The following TBC1D13 variants were observed in gnomAD, a reference collection of about 807,000 sequenced individuals.
The protein encoded by TBC1D13 is epididymis secretory sperm binding protein.
In TBC1D13, 40 loss-of-function variants were observed where a neutral mutation model predicts 53.6. That is an observed-to-expected ratio of 0.75 (90% CI 0.58 to 0.97). The LOEUF (loss-of-function observed/expected upper bound fraction) is 0.97, where lower values mean the gene tolerates loss of function less well. TBC1D13 is among the 50% of genes least tolerant of loss of function. The probability of loss-of-function intolerance (pLI) is 0.00; values close to 1 mark genes in which losing one functional copy is unlikely to be tolerated. For synonymous variants in TBC1D13, 182 were observed against 197.7 expected (o/e 0.92, Z 0.67); for missense variants, 377 against 499.4 (o/e 0.75, Z 2.34).
At position 128,787,300 on chromosome 9, in the gene TBC1D13, A is replaced by G; in HGVS notation, c.-54A>G. The G allele has an allele frequency of 1.6e-6, 2 of 1,254,442 alleles. No homozygotes were observed. The highest frequency in any genetic ancestry group is 2.0e-6 in the Non-Finnish European group (2 of 993,450). 77.7% of individuals were successfully genotyped at this position (1,254,442 alleles called of 1,614,324 possible). On this transcript the variant is annotated 5_prime_UTR_variant, in exon 1 of 12. Transcript: ENST00000372648. ...GGGGCGGCGGCGGCGGCGGCAGCGC[A>G]GGCGGCAGAGGCGCAGGCGGCGGAG...
intron 4 of TBC1D13, 47 bp downstream of exon 4, chr9:128,791,488 C>T (rs770919117): frequency 2.0e-5 from 33 of 1,610,424 alleles, no homozygotes; most frequent in Middle Eastern, 3.3e-4. Flanking sequence ...TTGCATGTGA[C>T]AGAGCCAGTA....
chr9:128,800,069 T>C (rs576523649), intron 7 of TBC1D13, among the ~76,000 whole-genome samples: 1 of 152,328 alleles, frequency 6.6e-6, no homozygotes, highest in Admixed American at 6.5e-5. Context: ...GATGTGTGTC[T>C]GTGTGTGTGA....
rs952657671 is a variant in TBC1D13, at chr9:128,802,198, G to A, written c.544-1052G>A. 1.5e-4 allele frequency among the ~76,000 whole-genome samples: 22 copies of A among 149,152 alleles called. 1 individual carries two copies. The highest frequency in any genetic ancestry group is 5.1e-4 in the African/African-American group (21 of 41,152). The stretch of plus-strand genomic sequence containing the variant: ...AGCCTCCTGAGTAGCTGGGATTACA[G>A]GTATACGCCACCACGCCTGGCTAAT... On this transcript the variant is annotated intron_variant, in intron 7 of 11. Coordinates refer to ENST00000372648, the MANE Select transcript of TBC1D13 (RefSeq NM_018201.5).
rs1174304254 is a variant in TBC1D13 at position 128,792,516 on chromosome 9, C to T, written c.325C>T (p.Arg109Trp). 1.9e-6 allele frequency: 3 copies of T among 1,614,112 alleles called. No homozygotes were observed. Among genetic ancestry groups the T allele is most frequent in the Non-Finnish European group, 1.7e-6 (2 of 1,179,976 alleles). ...DHPLNPNPDS[R>W]WNTYFKDNEV... is the part of the protein sequence containing the mutation. ...GCCACTCAACCCCAACCCTGACAGCCGGTGGAACACGTACTTCAAGGACAA... is the reference window on the plus strand; with the variant it reads ...GCCACTCAACCCCAACCCTGACAGCTGGTGGAACACGTACTTCAAGGACAA... The change falls in exon 6 of 12, where the codon CGG becomes TGG. Residue 109 changes from arginine to tryptophan, a missense_variant. Physicochemically the swap from Arg to Trp is moderately radical, Grantham distance 101. Coordinates refer to ENST00000372648, the MANE Select transcript of TBC1D13 (RefSeq NM_018201.5).
intron 2 of TBC1D13, among the ~76,000 whole-genome samples, chr9:128,789,364 T>C (rs1829488162): frequency 6.8e-6 from 1 of 148,068 alleles, no homozygotes; most frequent in Non-Finnish European, 1.5e-5. Flanking sequence ...CCTGTCATCC[T>C]CATATAGATT....
At chr9:128,788,538 C>G (rs1829471985) in intron 2 of TBC1D13, 131 bp downstream of exon 2, 1 of 752,734 alleles carries the variant, frequency 1.3e-6, no homozygotes, top group Non-Finnish European at 2.2e-6. Context: ...AAATTACACA[C>G]AGACTCTTGG....
intron 5 of TBC1D13, among the ~76,000 whole-genome samples, chr9:128,792,058 A>C (rs1359557778): frequency 1.3e-5 from 2 of 152,230 alleles, no homozygotes; most frequent in Non-Finnish European, 2.9e-5. Flanking sequence ...TGGGCTTCAC[A>C]GCACGTGAGA....
At chr9:128,807,705 C>A in intron 11 of TBC1D13, 109 bp from the exon 12 acceptor site, 2 of 1,133,932 alleles carry the variant, frequency 1.8e-6, no homozygotes, top group Non-Finnish European at 2.7e-6. Flanking sequence ...TGTGCTCCTG[C>A]CCCTGAGGCC....
chr9:128,796,530 C>T (rs1014332607), intron 6 of TBC1D13, among the ~76,000 whole-genome samples: 4 of 152,082 alleles, frequency 2.6e-5, no homozygotes, highest in South Asian at 2.1e-4. Context: ...GGATTATAGG[C>T]GTGAGCCACC....
chr9:128,789,439 G>C (rs141642250), intron 2 of TBC1D13, among the ~76,000 whole-genome samples: 109 of 152,006 alleles, frequency 7.2e-4, no homozygotes, highest in Non-Finnish European at 1.3e-3. Flanking sequence ...CTGCGGTAGT[G>C]AGCTTCCTGA....
chr9:128,802,661 A>G (rs1392152971), intron 7 of TBC1D13, among the ~76,000 whole-genome samples: 1 of 151,630 alleles, frequency 6.6e-6, no homozygotes, highest in Non-Finnish European at 1.5e-5. Context: ...TATGTCCCAT[A>G]TGCTAGATAG....
chr9:128,798,573 G>A (rs556432651), intron 7 of TBC1D13, among the ~76,000 whole-genome samples: 3 of 152,216 alleles, frequency 2.0e-5, no homozygotes, highest in Non-Finnish European at 4.4e-5. Context: ...TAGGCAAGAG[G>A]TGGTGGGGGC....
At position 128,806,234 on chromosome 9, in the gene TBC1D13, TTTGCTGCTGC is replaced by T. The variant is rs757514485; in HGVS notation, c.1080-17_1080-8del. ...TCAGAGCATCCCAGGTCCCAGCGCT[TTTGCTGCTGC>T]TTTTCATAGGCTGATCCGGGAGCAG... On this transcript the variant is annotated splice_polypyrimidine_tract_variant and intron_variant, in intron 10 of 11. Transcript: ENST00000372648. The T allele has an allele frequency of 1.9e-4, 314 of 1,613,864 alleles. No homozygotes were observed. Among genetic ancestry groups the T allele is most frequent in the Non-Finnish European group, 2.6e-4 (307 of 1,179,986 alleles).
chr9:128,787,576 C>T (rs990063359), intron 1 of TBC1D13, among the ~76,000 whole-genome samples, 200 bp downstream of exon 1: 1 of 152,090 alleles, frequency 6.6e-6, no homozygotes. Context: ...CCCCTGATGT[C>T]ACTGCTTCTG....
chr9:128,803,933 G>A (rs1479952292), intron 8 of TBC1D13, 23 bp from the exon 9 acceptor site: 2 of 1,611,376 alleles, frequency 1.2e-6, no homozygotes, highest in Non-Finnish European at 1.7e-6. Flanking sequence ...CGCCACTTCT[G>A]CCCCCATCCT....
chr9:128,789,596 TAATG>T (rs1829492198), intron 2 of TBC1D13, among the ~76,000 whole-genome samples: 1 of 152,032 alleles, frequency 6.6e-6, no homozygotes, highest in East Asian at 1.9e-4. Flanking sequence ...ACTGGGGTAA[TAATG>T]AAGATTAAAT....
chr9:128,803,245 T>C lies in TBC1D13; in HGVS notation c.544-5T>C, dbSNP rs1829768322. On this transcript the variant is annotated splice_region_variant and splice_polypyrimidine_tract_variant and intron_variant, in intron 7 of 11. Transcript: ENST00000372648. ...TCTTGATGGGCTCCTCCTCTTCTCC[T>C]CCAGATGAGCTCCCCACACAAGAAC... The C allele has an allele frequency of 5.0e-6, 8 of 1,613,576 alleles. No individual in the cohort carries two copies. The highest frequency in any genetic ancestry group is 5.9e-6 in the Non-Finnish European group (7 of 1,179,672).
Position 128,803,936 on chromosome 9 carries a change from C to T in TBC1D13, c.755-20C>T. On this transcript the variant is annotated intron_variant, in intron 8 of 11. Coordinates refer to ENST00000372648, the MANE Select transcript of TBC1D13 (RefSeq NM_018201.5). ...GGGCCTGGAGTGCGCCACTTCTGCC[C>T]CCATCCTGCTCTCTCCCAGAGCACG... 2 of 1,611,672 alleles carry T rather than the reference C, an allele frequency of 1.2e-6. No individual in the cohort carries two copies. Among genetic ancestry groups the T allele is most frequent in the Non-Finnish European group, 1.7e-6 (2 of 1,179,618 alleles).
At chr9:128,792,833 T>C (rs901376637) in intron 6 of TBC1D13, among the ~76,000 whole-genome samples, 2 of 152,202 alleles carry the variant, frequency 1.3e-5, no homozygotes, top group African/African-American at 4.8e-5. Flanking sequence ...TATGGATTCA[T>C]CTGACATTCA....
Sources: allele counts gnomAD v4.1 joint callset (sites outside exome capture counted in the v4.1 genomes callset), GRCh38; gene constraint gnomAD v4.1.1; transcripts MANE v1.5; gene names NCBI Gene and HGNC (gene_info 2026-07-23, HGNC 2026-07-21).